ATP6V1H: variants seen among roughly 807,000 people sequenced by gnomAD.
ATP6V1H encodes V-type proton ATPase subunit H.
ATP6V1H carries 39 observed loss-of-function variants against 71.7 expected under a neutral mutation model. The ratio of observed to expected loss-of-function variants is 0.54; its 90% CI spans 0.42 to 0.71. The LOEUF is 0.71. ATP6V1H is among the 30% of genes least tolerant of loss of function. ATP6V1H has a pLI of 0.00. For missense variants in ATP6V1H, 509 were observed against 594.9 expected (o/e 0.86, Z 1.50); for synonymous variants, 192 against 199.3 (o/e 0.96, Z 0.31).
At position 53,829,461 on chromosome 8, in the gene ATP6V1H, C is replaced by T. The variant is rs746294942; in HGVS notation, c.289G>A (p.Val97Met). Residue 97 changes from valine (V) to methionine (M), a missense_variant, in exon 4 of 14, where the codon GTG becomes ATG. Val to Met is a conservative substitution (Grantham distance 21, BLOSUM62 1). Transcript: ENST00000359530. Reference sequence around the variant, plus strand: ...ATACCTACCTGCAGCATATCATCCACCATAGTTAGTATATACTGAACGGTC... The same window carrying T: ...ATACCTACCTGCAGCATATCATCCATCATAGTTAGTATATACTGAACGGTC... ...EQTVQYILTMVDDMLQENHQR... is the reference protein window; with the variant it reads ...EQTVQYILTMMDDMLQENHQR... 12 of 1,604,666 alleles carry T rather than the reference C, an allele frequency of 7.5e-6. No individual in the cohort carries two copies. Among genetic ancestry groups the T allele is most frequent in the Non-Finnish European group, 9.4e-6 (11 of 1,175,538 alleles).
At position 53,759,044 on chromosome 8, in the gene ATP6V1H, A is replaced by G. The variant is rs189728264; in HGVS notation, c.1176-2388T>C. On this transcript the variant is annotated intron_variant, in intron 11 of 13. Transcript: ENST00000359530. ...TGTACACACCAGCAGCATGGGCATC[A>G]CCTGGTTACTTAGAAATGCTGATCA... Among the ~76,000 whole-genome samples, 335 of 152,352 alleles carry G rather than the reference A, an allele frequency of 2.2e-3. 2 individuals are homozygous for G. Among genetic ancestry groups the G allele is most frequent in the African/African-American group, 7.8e-3 (324 of 41,590 alleles).
At chr8:53,726,771 T>C (rs893679729) in intron 13 of ATP6V1H, among the ~76,000 whole-genome samples, 1 of 152,096 alleles carries the variant, frequency 6.6e-6, no homozygotes, top group Admixed American at 6.6e-5. Context: ...TCATCTGAAA[T>C]AGGACTGTCT....
intron 11 of ATP6V1H, among the ~76,000 whole-genome samples, chr8:53,762,885 CTT>C (rs1474359409): frequency 1.3e-5 from 2 of 152,190 alleles, no homozygotes; most frequent in African/African-American, 4.8e-5. Flanking sequence ...AACATGTTCT[CTT>C]TCTCAGCTTA....
At chr8:53,768,804 TG>T (rs549691466) in intron 11 of ATP6V1H, among the ~76,000 whole-genome samples, 22 of 152,158 alleles carry the variant, frequency 1.4e-4, no homozygotes, top group Non-Finnish European at 2.8e-4. Flanking sequence ...CCAAAGGATA[TG>T]GGGTTTCTTT....
At chr8:53,742,179 C>T (rs1746508839) in intron 13 of ATP6V1H, among the ~76,000 whole-genome samples, 1 of 152,158 alleles carries the variant, frequency 6.6e-6, no homozygotes, top group Admixed American at 6.5e-5. Context: ...TCAGAGTTTG[C>T]CCTTGACCAT....
intron 8 of ATP6V1H, among the ~76,000 whole-genome samples, chr8:53,799,942 T>C (rs939685572): frequency 6.6e-6 from 1 of 152,230 alleles, no homozygotes; most frequent in Non-Finnish European, 1.5e-5. Context: ...TAAGTTTCCA[T>C]TGTTTATAAG....
chr8:53,833,164 C>G lies in ATP6V1H; in HGVS notation c.114-78G>C, dbSNP rs192317072. On this transcript the variant is annotated intron_variant, in intron 2 of 13. Transcript: ENST00000359530. ...AGCGATAGAGGAATTTTCAGTCCTT[C>G]TCTTCTCTCCTTGGCAGCAAACCAC... The G allele has an allele frequency of 3.5e-6, 4 of 1,132,804 alleles. No homozygotes were observed. In the African/African-American group the frequency reaches 6.2e-5, roughly 18 times the overall value. The allele number at this position is 1,132,804 out of a possible 1,614,324, so 70.2% of individuals were successfully genotyped here.
At chr8:53,755,722 ATATATATATATATATATATAT>A (rs1244201866) in intron 12 of ATP6V1H, among the ~76,000 whole-genome samples, 5 of 5,758 alleles carry the variant, frequency 8.7e-4, no homozygotes, top group African/African-American at 5.5e-3. Context: ...ATATATATAT[ATATATATATATATATATATAT>A]ATTTTTTTTT....
intron 8 of ATP6V1H, among the ~76,000 whole-genome samples, chr8:53,797,238 A>G (rs772755265): frequency 6.6e-6 from 1 of 152,192 alleles, no homozygotes; most frequent in Non-Finnish European, 1.5e-5. Context: ...CAAGAACAGG[A>G]GCTAGAGGCT....
At chr8:53,756,737 T>C in intron 11 of ATP6V1H, 81 bp from the exon 12 acceptor site, 1 of 825,738 alleles carries the variant, frequency 1.2e-6, no homozygotes, top group Non-Finnish European at 1.9e-6. Context: ...AATGAAGATA[T>C]CTTCCTGAAA....
At chr8:53,725,166 T>C (rs1000601515) in intron 13 of ATP6V1H, among the ~76,000 whole-genome samples, 1 of 152,100 alleles carries the variant, frequency 6.6e-6, no homozygotes, top group African/African-American at 2.4e-5. Context: ...GCCCTCATGA[T>C]CGGATTAATC....
At chr8:53,802,825 TA>T (rs1809956569) in intron 7 of ATP6V1H, among the ~76,000 whole-genome samples, 1 of 152,148 alleles carries the variant, frequency 6.6e-6, no homozygotes, top group African/African-American at 2.4e-5. Flanking sequence ...ATATGGCATA[TA>T]AAAAGTCTGA....
intron 3 of ATP6V1H, among the ~76,000 whole-genome samples, chr8:53,830,818 C>A (rs893875811): frequency 2.6e-5 from 4 of 152,180 alleles, no homozygotes; most frequent in African/African-American, 9.7e-5. Context: ...CACACATCCC[C>A]AGTCTCACCA....
chr8:53,727,019 T>C (rs1213606756), intron 13 of ATP6V1H, among the ~76,000 whole-genome samples: 1 of 152,210 alleles, frequency 6.6e-6, no homozygotes, highest in East Asian at 1.9e-4. Flanking sequence ...TCAATAAACA[T>C]GTATTTGCTA....
chr8:53,807,640 A>T (rs1656185387), intron 7 of ATP6V1H, among the ~76,000 whole-genome samples: 1 of 152,166 alleles, frequency 6.6e-6, no homozygotes, highest in Admixed American at 6.5e-5. Context: ...CAGGGCTTGG[A>T]GGCAAGAACA....
chr8:53,729,169 T>G (rs1271546763), intron 13 of ATP6V1H, among the ~76,000 whole-genome samples: 1 of 151,680 alleles, frequency 6.6e-6, no homozygotes, highest in African/African-American at 2.4e-5. Context: ...GCACCACATG[T>G]TTTTTTTGGC....
At chr8:53,824,826 T>A (rs1393124309) in intron 4 of ATP6V1H, among the ~76,000 whole-genome samples, 1 of 151,852 alleles carries the variant, frequency 6.6e-6, no homozygotes, top group East Asian at 1.9e-4. Flanking sequence ...AATAGAAAAT[T>A]ATAAAATTTT....
At chr8:53,726,297 A>G (rs1350529950) in intron 13 of ATP6V1H, among the ~76,000 whole-genome samples, 1 of 152,210 alleles carries the variant, frequency 6.6e-6, no homozygotes, top group Non-Finnish European at 1.5e-5. Context: ...ATTTTTTCCA[A>G]ATTGGAAGCT....
At chr8:53,738,325 A>G (rs1432082093) in intron 13 of ATP6V1H, among the ~76,000 whole-genome samples, 1 of 150,956 alleles carries the variant, frequency 6.6e-6, no homozygotes, top group Non-Finnish European at 1.5e-5. Context: ...GTGCACGTGC[A>G]CACACACACA....
Sources: allele counts gnomAD v4.1 joint callset (sites outside exome capture counted in the v4.1 genomes callset), GRCh38; gene constraint gnomAD v4.1.1; transcripts MANE v1.5; gene names NCBI Gene and HGNC (gene_info 2026-07-23, HGNC 2026-07-21).